Variants in IL1RAPL1 observed in about 807,000 individuals in gnomAD.
IL1RAPL1 encodes the protein interleukin 1 receptor accessory protein like 1.
IL1RAPL1 carries 3 observed loss-of-function variants against 48.4 expected under a neutral mutation model. That is an observed-to-expected ratio of 0.06 (90% CI 0.03 to 0.16). The LOEUF is 0.16. Ranked by LOEUF, IL1RAPL1 falls within the 10% of genes least tolerant of loss-of-function variation. The pLI is 1.00. For synonymous variants in IL1RAPL1, 185 were observed against 187.7 expected (o/e 0.99, Z 0.12); for missense variants, 349 against 530.6 (o/e 0.66, Z 3.36).
rs758759845 is a variant in IL1RAPL1, at chrX:29,863,873, G to A, written c.779-53591G>A. Among the ~76,000 whole-genome samples the A allele has an allele frequency of 4.5e-5, 5 of 110,636 alleles. No homozygotes were observed. In the South Asian group the frequency reaches 1.5e-3, roughly 34 times the overall value. ...ACAATCTCAGCTCACTGTAACCTCC[G>A]CCTAGCGTATTCAAGCGATTCCCCT... On this transcript the variant is annotated intron_variant, in intron 6 of 10. Transcript: ENST00000378993.
intron 3 of IL1RAPL1, among the ~76,000 whole-genome samples, chrX:29,392,662 A>G (rs1933868092): frequency 8.9e-6 from 1 of 112,282 alleles, no homozygotes; most frequent in African/African-American, 3.2e-5. Flanking sequence ...TTAGGAAAAT[A>G]AGAATACCTA....
At chrX:29,045,311 C>T (rs1220157411) in intron 2 of IL1RAPL1, among the ~76,000 whole-genome samples, 1 of 112,215 alleles carries the variant, frequency 8.9e-6, no homozygotes, top group Non-Finnish European at 1.9e-5. Flanking sequence ...CTTTTTATTT[C>T]ACTATCGGCT....
chrX:28,964,325 A>G (rs373582531), intron 2 of IL1RAPL1, among the ~76,000 whole-genome samples: 8 of 111,694 alleles, frequency 7.2e-5, no homozygotes, highest in African/African-American at 1.9e-4. Flanking sequence ...TTTTTTTTAC[A>G]TAAATCATAT....
At chrX:29,020,976 A>G (rs1926351198) in intron 2 of IL1RAPL1, among the ~76,000 whole-genome samples, 1 of 110,980 alleles carries the variant, frequency 9.0e-6, no homozygotes, top group Non-Finnish European at 1.9e-5. Flanking sequence ...CTGTAATCCC[A>G]GCACTTTGGG....
At chrX:29,154,517 G>A (rs1031340856) in intron 2 of IL1RAPL1, among the ~76,000 whole-genome samples, 4 of 108,738 alleles carry the variant, frequency 3.7e-5, no homozygotes, top group African/African-American at 1.0e-4. Flanking sequence ...TCCAGCCTGA[G>A]TGACAGAGTG....
At chrX:29,855,443 G>T (rs1389151043) in intron 6 of IL1RAPL1, among the ~76,000 whole-genome samples, 1 of 111,679 alleles carries the variant, frequency 9.0e-6, no homozygotes, top group Non-Finnish European at 1.9e-5. Context: ...CACTCACTGA[G>T]TGGGAATTTG....
chrX:28,713,705 T>C (rs1296874294), intron 1 of IL1RAPL1, among the ~76,000 whole-genome samples: 2 of 111,493 alleles, frequency 1.8e-5, no homozygotes, highest in South Asian at 3.8e-4. Context: ...TTCAAACTCA[T>C]ACATGATATT....
intron 1 of IL1RAPL1, among the ~76,000 whole-genome samples, chrX:28,667,975 A>G (rs1934900385): frequency 1.8e-5 from 2 of 111,817 alleles, no homozygotes; most frequent in Non-Finnish European, 3.8e-5. Context: ...TTTTAGAGGG[A>G]CACAAACATT....
intron 2 of IL1RAPL1, among the ~76,000 whole-genome samples, chrX:28,986,702 T>C (rs1925483552): frequency 8.9e-6 from 1 of 112,395 alleles, no homozygotes; most frequent in African/African-American, 3.2e-5. Context: ...TGTTTTCTTT[T>C]TAAAACACAA....
chrX:29,060,042 C>T (rs1403598107), intron 2 of IL1RAPL1, among the ~76,000 whole-genome samples: 2 of 111,583 alleles, frequency 1.8e-5, no homozygotes. Context: ...TTCAACTTCC[C>T]ATAGAGAATT....
chrX:29,674,915 C>T (rs1047926771), intron 6 of IL1RAPL1, among the ~76,000 whole-genome samples: 4 of 112,049 alleles, frequency 3.6e-5, no homozygotes, highest in Admixed American at 1.9e-4. Flanking sequence ...TTTTTATGGC[C>T]GCATGGCATT....
chrX:29,837,258 C>CAAAAAAAAAAA (rs34032700), intron 6 of IL1RAPL1, among the ~76,000 whole-genome samples: 5 of 30,035 alleles, frequency 1.7e-4, no homozygotes, highest in African/African-American at 9.6e-4. Flanking sequence ...GACTGCATCT[C>CAAAAAAAAAAA]AAAAAAAAAA....
chrX:29,671,795 G>A (rs1926149311), intron 6 of IL1RAPL1, among the ~76,000 whole-genome samples: 1 of 112,127 alleles, frequency 8.9e-6, no homozygotes. Flanking sequence ...GTCCAGGACA[G>A]AGAGCATATT....
intron 3 of IL1RAPL1, among the ~76,000 whole-genome samples, chrX:29,368,246 CAAAG>C (rs1297888671): frequency 8.9e-6 from 1 of 112,239 alleles, no homozygotes; most frequent in African/African-American, 3.2e-5. Flanking sequence ...AGGTTATATG[CAAAG>C]ACTGTGCTAT....
chrX:29,681,256 C>T (rs767756761), intron 6 of IL1RAPL1, among the ~76,000 whole-genome samples: 3 of 112,298 alleles, frequency 2.7e-5, no homozygotes, highest in African/African-American at 9.7e-5. Context: ...ACTGTGGAGC[C>T]GGTAGGCTCT....
intron 1 of IL1RAPL1, among the ~76,000 whole-genome samples, chrX:28,756,974 A>G (rs951452490): frequency 1.8e-5 from 2 of 112,017 alleles, no homozygotes; most frequent in South Asian, 3.7e-4. Flanking sequence ...ATTAGCATCT[A>G]TCTTATAGAA....
intron 2 of IL1RAPL1, among the ~76,000 whole-genome samples, chrX:29,158,487 T>C (rs2147503380): frequency 9.0e-6 from 1 of 111,262 alleles, no homozygotes; most frequent in African/African-American, 3.3e-5. Flanking sequence ...GATACTCAAG[T>C]CTTAGCCTCC....
At chrX:29,123,445 A>G (rs987777459) in intron 2 of IL1RAPL1, among the ~76,000 whole-genome samples, 12 of 112,474 alleles carry the variant, frequency 1.1e-4, no homozygotes. Flanking sequence ...TTCAGTTAAT[A>G]CATATGAAAA....
At chrX:28,874,787 A>C (rs1922325013) in intron 2 of IL1RAPL1, among the ~76,000 whole-genome samples, 1 of 112,391 alleles carries the variant, frequency 8.9e-6, no homozygotes, top group Admixed American at 9.4e-5. Context: ...GTTAGCAGTA[A>C]ATAGGAATCT....
Sources: gnomAD v4.1 joint callset for allele counts (sites outside exome capture counted in the v4.1 genomes callset) on GRCh38, gnomAD v4.1.1 for gene constraint, MANE v1.5 for transcripts, NCBI Gene and HGNC (gene_info 2026-07-23, HGNC 2026-07-21) for gene names.